Variants in RUVBL1 observed in about 807,000 individuals in gnomAD.
RUVBL1 encodes RuvB like AAA ATPase 1.
RUVBL1 carries 4 observed loss-of-function variants against 52.4 expected under a neutral mutation model. The ratio of observed to expected loss-of-function variants is 0.08; its 90% CI spans 0.04 to 0.17. The LOEUF (loss-of-function observed/expected upper bound fraction) is 0.17, where lower values mean the gene tolerates loss of function less well. RUVBL1 is among the 10% of genes least tolerant of loss of function. The pLI is 1.00. For missense variants in RUVBL1, 298 were observed against 572.8 expected, an observed-to-expected ratio of 0.52 and a Z score of 4.90; for synonymous variants, 217 against 214.4, an observed-to-expected ratio of 1.01 and a Z score of -0.10.
intron 3 of RUVBL1, among the ~76,000 whole-genome samples, chr3:128,108,843 G>A (rs149879842): frequency 1.5e-4 from 23 of 152,044 alleles, no homozygotes; most frequent in African/African-American, 4.1e-4. Flanking sequence ...GGAGTCCTGC[G>A]AGTCATTTCC....
intron 1 of RUVBL1, among the ~76,000 whole-genome samples, chr3:128,148,384 CT>C (rs1944135245): frequency 6.6e-6 from 1 of 152,180 alleles, no homozygotes; most frequent in Non-Finnish European, 1.5e-5. Flanking sequence ...GAGTCAAGAA[CT>C]GAGCCAGTTT....
At chr3:128,094,013 G>A (rs1942913298) in intron 8 of RUVBL1, among the ~76,000 whole-genome samples, 1 of 152,224 alleles carries the variant, frequency 6.6e-6, no homozygotes, top group African/African-American at 2.4e-5. Context: ...CCACAGAGCA[G>A]ACCAGGCAGG....
At chr3:128,130,164 AAAC>A (rs1391010079) in intron 1 of RUVBL1, among the ~76,000 whole-genome samples, 2 of 152,352 alleles carry the variant, frequency 1.3e-5, no homozygotes, top group East Asian at 1.9e-4. Flanking sequence ...TTGACTAAGA[AAAC>A]AAGAGAGAAG....
intron 3 of RUVBL1, among the ~76,000 whole-genome samples, chr3:128,107,456 A>G (rs1943272259): frequency 6.6e-6 from 1 of 152,258 alleles, no homozygotes; most frequent in South Asian, 2.1e-4. Flanking sequence ...TGATATGGAA[A>G]TATTCCAATG....
chr3:128,112,419 G>A (rs996022015), intron 3 of RUVBL1, among the ~76,000 whole-genome samples: 5 of 152,118 alleles, frequency 3.3e-5, no homozygotes, highest in Admixed American at 2.0e-4. Context: ...AGGGTTAGGC[G>A]CCATAAGCCT....
chr3:128,090,057 G>A (rs1183541652), intron 8 of RUVBL1, among the ~76,000 whole-genome samples: 1 of 152,048 alleles, frequency 6.6e-6, no homozygotes, highest in African/African-American at 2.4e-5. Flanking sequence ...AAATAGTGGT[G>A]ATGGTTTTAG....
chr3:128,152,517 C>T (rs868506815), intron 1 of RUVBL1, among the ~76,000 whole-genome samples: 1 of 152,174 alleles, frequency 6.6e-6, no homozygotes, highest in South Asian at 2.1e-4. Context: ...AGACTTCTCG[C>T]TCTCTGAAAT....
chr3:128,086,254 C>T (rs1417901351), intron 9 of RUVBL1, among the ~76,000 whole-genome samples: 1 of 152,210 alleles, frequency 6.6e-6, no homozygotes, highest in South Asian at 2.1e-4. Context: ...GCCTCAGCCT[C>T]CCAAAGTACT....
At chr3:128,118,703 G>C (rs750795086) in intron 2 of RUVBL1, among the ~76,000 whole-genome samples, 2 of 152,174 alleles carry the variant, frequency 1.3e-5, no homozygotes, top group Admixed American at 1.3e-4. Context: ...GCTCTGAAGG[G>C]AAAATGTCAA....
At chr3:128,128,626 C>T (rs572453461), upstream of RUVBL1, among the ~76,000 whole-genome samples, 1 of 152,330 alleles carries the variant, frequency 6.6e-6, no homozygotes, top group African/African-American at 2.4e-5. Flanking sequence ...CATTTCTACT[C>T]ATATCCCAGG....
chr3:128,124,456 A>G (rs1943750736), upstream of RUVBL1, among the ~76,000 whole-genome samples: 1 of 152,220 alleles, frequency 6.6e-6, no homozygotes, highest in Non-Finnish European at 1.5e-5. Flanking sequence ...AGCATCACAA[A>G]TAATCAGAAC....
At chr3:128,153,668 C>A in exon 1 of RUVBL1, 1 of 1,597,400 alleles carries the variant, frequency 6.3e-7, no homozygotes, top group Non-Finnish European at 8.5e-7. Context: ...CTGGGCTTCT[C>A]GTGCTTCTCG....
At chr3:128,095,119 G>A (rs113911300) in intron 8 of RUVBL1, among the ~76,000 whole-genome samples, 18 of 152,202 alleles carry the variant, frequency 1.2e-4, no homozygotes, top group East Asian at 5.8e-4. Flanking sequence ...CAAATCTCCC[G>A]GGTCTCAGGC....
Position 128,112,901 on chromosome 3 carries a change from G to C in RUVBL1, c.348C>G (p.Phe116Leu). The change falls in exon 3 of 11, where the codon TTC becomes TTG. Residue 116 changes from phenylalanine to leucine, a missense_variant. Physicochemically the swap from Phe to Leu is conservative, Grantham distance 22. Around this residue, in one of 5 missense-constraint regions of RUVBL1, gnomAD observed 8 missense variants for 44.3 expected, o/e 0.18. Coordinates refer to ENST00000322623, the MANE Select transcript of RUVBL1 (RefSeq NM_003707.3). Reference sequence around the variant, plus strand: ...GACACTACTTACCAATGGCCCTGCGGAAGTTCTCCATCAGCACCTCTGTCT... The same window carrying C: ...GACACTACTTACCAATGGCCCTGCGCAAGTTCTCCATCAGCACCTCTGTCT... Reference protein sequence around the residue: ...IKKTEVLMENFRRAIGLRIKE... With the variant: ...IKKTEVLMENLRRAIGLRIKE... 1 of 1,613,844 alleles carries C rather than the reference G, an allele frequency of 6.2e-7. No individual in the cohort carries two copies. The highest frequency in any genetic ancestry group is 8.5e-7 in the Non-Finnish European group (1 of 1,179,954).
chr3:128,146,146 G>A (rs1944099910), intron 1 of RUVBL1, among the ~76,000 whole-genome samples: 1 of 152,160 alleles, frequency 6.6e-6, no homozygotes, highest in African/African-American at 2.4e-5. Flanking sequence ...GGTGAGGGGT[G>A]AGCCATTTAG....
At chr3:128,129,456 G>T (rs1339662068) in intron 1 of RUVBL1, among the ~76,000 whole-genome samples, 1 of 152,064 alleles carries the variant, frequency 6.6e-6, no homozygotes. Context: ...TAATAAAAAA[G>T]AAGAAAGATC....
intron 1 of RUVBL1, among the ~76,000 whole-genome samples, chr3:128,146,643 CGTGT>C (rs567474562): frequency 3.5e-5 from 5 of 144,572 alleles, no homozygotes; most frequent in African/African-American, 5.2e-5. Flanking sequence ...TGCATGTATG[CGTGT>C]GTGTCTCATG....
chr3:128,126,918 AC>A (rs1318267585), upstream of RUVBL1, among the ~76,000 whole-genome samples: 2 of 152,048 alleles, frequency 1.3e-5, no homozygotes, highest in African/African-American at 4.8e-5. Context: ...CTGACCCCAC[AC>A]CCCATGTTTG....
At chr3:128,098,986 G>C in intron 6 of RUVBL1, 41 bp from the exon 7 acceptor site, 1 of 1,553,168 alleles carries the variant, frequency 6.4e-7, no homozygotes, top group Non-Finnish European at 8.9e-7. Context: ...GCTTTCTAAG[G>C]TGACTACAGA....
Sources: gnomAD v4.1 joint callset for allele counts (sites outside exome capture counted in the v4.1 genomes callset) on GRCh38, gnomAD v4.1.1 for gene constraint, gnomAD v4.1.1 regional missense constraint, MANE v1.5 for transcripts, NCBI Gene and HGNC (gene_info 2026-07-23, HGNC 2026-07-21) for gene names.